The following ACSL6 variants were observed in gnomAD, a reference collection of about 807,000 sequenced individuals.
ACSL6 encodes acyl-CoA synthetase long chain family member 6.
ACSL6 carries 47 observed loss-of-function variants against 98.2 expected under a neutral mutation model. That is an observed-to-expected ratio of 0.48 (90% CI 0.38 to 0.61). The LOEUF is 0.61. ACSL6 is among the 20% of genes least tolerant of loss of function. The pLI, the probability that ACSL6 is intolerant of heterozygous loss-of-function variation, is 0.00. For synonymous variants in ACSL6, 362 were observed against 336.9 expected (o/e 1.07, Z -0.82); for missense variants, 761 against 913.4 (o/e 0.83, Z 2.15).
In ACSL6 at chr5:131,958,849, G is replaced by A. The variant is rs189955382; in HGVS notation, c.2031+687C>T. On this transcript the variant is annotated intron_variant, in intron 20 of 20. Coordinates refer to ENST00000651883, the MANE Select transcript of ACSL6 (RefSeq NM_001009185.3). ...TGAAAAACAATTATTTTAATGAAATGTTTATCTTATGAAAAACAATTATTT... is the reference window on the plus strand; with the variant it reads ...TGAAAAACAATTATTTTAATGAAATATTTATCTTATGAAAAACAATTATTT... 6.5e-3 allele frequency among the ~76,000 whole-genome samples: 993 copies of A among 152,012 alleles called. 4 individuals carry two copies. Among genetic ancestry groups the A allele is most frequent in the Middle Eastern group, 0.02 (6 of 294 alleles).
upstream of ACSL6, chr5:132,012,070 G>C: frequency 1.8e-6 from 2 of 1,118,710 alleles, no homozygotes; most frequent in Non-Finnish European, 2.5e-6. Flanking sequence ...GGCTCGAATG[G>C]CAGCCGGGTC....
At chr5:131,956,443 G>A (rs2149679546) in intron 20 of ACSL6, among the ~76,000 whole-genome samples, 1 of 152,254 alleles carries the variant, frequency 6.6e-6, no homozygotes, top group East Asian at 1.9e-4. Context: ...CCTTGCAGAA[G>A]CCCAAGCAAT....
intron 8 of ACSL6, 72 bp downstream of exon 8, chr5:131,986,750 G>T: frequency 6.4e-7 from 1 of 1,571,286 alleles, no homozygotes; most frequent in Non-Finnish European, 8.8e-7. Flanking sequence ...TCTGTGCACA[G>T]TGAGGGACTC....
chr5:131,954,502 T>G (rs1439372984), intron 20 of ACSL6, 131 bp from the exon 21 acceptor site: 10 of 1,004,712 alleles, frequency 1.0e-5, no homozygotes, highest in Non-Finnish European at 1.4e-5. Flanking sequence ...GTCAAAATTA[T>G]GTTGAGAACA....
At chr5:131,986,732 G>A in intron 8 of ACSL6, 90 bp downstream of exon 8, 1 of 1,479,770 alleles carries the variant, frequency 6.8e-7, no homozygotes, top group Admixed American at 1.7e-5. Flanking sequence ...TTAACACAGA[G>A]GTGCTGTTCT....
intron 18 of ACSL6, among the ~76,000 whole-genome samples, chr5:131,962,143 A>C (rs1482303889): frequency 6.6e-6 from 1 of 152,118 alleles, no homozygotes; most frequent in Non-Finnish European, 1.5e-5. Context: ...TTGAGGCTGC[A>C]GTGAGCCATG....
intron 7 of ACSL6, among the ~76,000 whole-genome samples, chr5:131,987,546 T>G (rs1307816459): frequency 6.6e-6 from 1 of 152,162 alleles, no homozygotes; most frequent in Non-Finnish European, 1.5e-5. Context: ...CCTGAGGCCT[T>G]GGAGGCCAGG....
intron 10 of ACSL6, 138 bp from the exon 11 acceptor site, chr5:131,975,108 CA>C (rs2149727104): frequency 7.1e-7 from 1 of 1,409,584 alleles, no homozygotes; most frequent in East Asian, 2.6e-5. Context: ...GTGGTGAGGA[CA>C]GAGAGAGAGG....
chr5:131,972,601 T>C, intron 13 of ACSL6, 123 bp downstream of exon 13: 1 of 1,191,002 alleles, frequency 8.4e-7, no homozygotes, highest in East Asian at 2.4e-5. Flanking sequence ...TTTGATTTCA[T>C]GAGCAAATGA....
intron 11 of ACSL6, among the ~76,000 whole-genome samples, chr5:131,974,391 G>A (rs1430990702): frequency 6.6e-6 from 1 of 152,206 alleles, no homozygotes; most frequent in Non-Finnish European, 1.5e-5. Flanking sequence ...TCTTTTAGGA[G>A]TTTGTGAATT....
rs751748658 is a variant in ACSL6 at position 131,971,660 on chromosome 5, A to G, written c.1339-15T>C. On this transcript the variant is annotated splice_polypyrimidine_tract_variant and intron_variant, in intron 13 of 20. Transcript: ENST00000651883. Reference sequence around the variant, plus strand: ...CCAAGACTGGCCTGTGGGAAGAAAGAAGAGCTGCCAAATTTTGTGATGTCT... The same window carrying G: ...CCAAGACTGGCCTGTGGGAAGAAAGGAGAGCTGCCAAATTTTGTGATGTCT... 2 of 1,588,442 alleles carry G rather than the reference A, an allele frequency of 1.3e-6. No individual in the cohort carries two copies.
At chr5:131,972,587 A>T in intron 13 of ACSL6, 137 bp downstream of exon 13, 1 of 1,093,336 alleles carries the variant, frequency 9.1e-7, no homozygotes, top group Non-Finnish European at 1.3e-6. Flanking sequence ...ATCATAGCTT[A>T]AGCTTTGATT....
chr5:131,978,678 G>C (rs1486707694), intron 9 of ACSL6, among the ~76,000 whole-genome samples: 1 of 152,132 alleles, frequency 6.6e-6, no homozygotes, highest in Non-Finnish European at 1.5e-5. Context: ...AGAGTGACCA[G>C]AAAAGGCACA....
chr5:131,960,453 G>A, intron 19 of ACSL6, 67 bp downstream of exon 19: 1 of 1,344,272 alleles, frequency 7.4e-7, no homozygotes, highest in Non-Finnish European at 1.0e-6. Context: ...CAACTTTTCT[G>A]TCTTCTCATT....
chr5:131,990,674 C>A (rs1754454340), intron 3 of ACSL6, among the ~76,000 whole-genome samples, 179 bp downstream of exon 3: 1 of 152,140 alleles, frequency 6.6e-6, no homozygotes, highest in Admixed American at 6.5e-5. Context: ...AGCCCTTTAG[C>A]CATATAATGC....
At chr5:131,959,998 G>A (rs545090958) in intron 19 of ACSL6, among the ~76,000 whole-genome samples, 2 of 152,266 alleles carry the variant, frequency 1.3e-5, no homozygotes, top group South Asian at 2.1e-4. Context: ...ACAGCATGGC[G>A]ACCTCCTCCA....
intron 1 of ACSL6, chr5:131,999,364 C>A (rs2126937894): frequency 6.6e-6 from 1 of 152,380 alleles, no homozygotes; most frequent in East Asian, 1.9e-4. Flanking sequence ...TCTTTGCAAG[C>A]CAAAGGGGCT....
intron 8 of ACSL6, among the ~76,000 whole-genome samples, chr5:131,985,816 G>C (rs1308033139): frequency 6.6e-6 from 1 of 152,174 alleles, no homozygotes; most frequent in Non-Finnish European, 1.5e-5. Context: ...CCTTTCTAGT[G>C]GATGTGACCC....
chr5:131,993,861 G>A, intron 2 of ACSL6, 170 bp downstream of exon 2: 1 of 658,630 alleles, frequency 1.5e-6, no homozygotes, highest in Non-Finnish European at 2.6e-6. Flanking sequence ...AGGAGTGCCT[G>A]GTAGGAGACC....
Sources: gnomAD v4.1 joint callset for allele counts (sites outside exome capture counted in the v4.1 genomes callset) on GRCh38, gnomAD v4.1.1 for gene constraint, MANE v1.5 for transcripts, NCBI Gene and HGNC (gene_info 2026-07-23, HGNC 2026-07-21) for gene names.